HIPK1: variants seen among roughly 807,000 people sequenced by gnomAD.
HIPK1 encodes homeodomain interacting protein kinase 1.
In HIPK1, 28 loss-of-function variants were observed where a neutral mutation model predicts 117.1. The ratio of observed to expected loss-of-function variants is 0.24; its 90% confidence interval spans 0.18 to 0.33. The LOEUF (loss-of-function observed/expected upper bound fraction) is 0.33. Among genes scored for constraint, HIPK1 ranks in the 10% least tolerant of loss-of-function variants. HIPK1 has a pLI of 1.00. For synonymous variants in HIPK1, 605 were observed against 562.5 expected (o/e 1.08, Z -1.07); for missense variants, 1,122 against 1,475.1 (o/e 0.76, Z 3.92).
intron 2 of HIPK1, among the ~76,000 whole-genome samples, chr1:113,943,311 A>C (rs1378559918): frequency 6.6e-6 from 1 of 152,218 alleles, no homozygotes; most frequent in Non-Finnish European, 1.5e-5. Context: ...TACCACTGGT[A>C]ATCTTGATTT....
In HIPK1 at chr1:113,941,375, A is replaced by G; in HGVS notation, c.992A>G (p.Tyr331Cys). The G allele has an allele frequency of 6.2e-7, 1 of 1,614,178 alleles. No individual in the cohort carries two copies. The highest frequency in any genetic ancestry group is 8.5e-7 in the Non-Finnish European group (1 of 1,180,028). Residue 331 changes from tyrosine (Y) to cysteine (C), a missense_variant, in exon 2 of 16, where the codon TAC (tyrosine) becomes TGC (cysteine). This residue lies in a region of HIPK1 where 8 missense variants were observed against 41.5 expected (regional missense o/e 0.19). Transcript: ENST00000426820. The surrounding 1 kb of genome is among the most constrained non-coding windows in gnomAD (Gnocchi z 4.9). Reference sequence around the variant, plus strand: ...CTGGTTGATCCAGTTCGCCAGCCCTACCGAGTGAAGGTCATTGACTTTGGT... The same window carrying G: ...CTGGTTGATCCAGTTCGCCAGCCCTGCCGAGTGAAGGTCATTGACTTTGGT... ...IMLVDPVRQP[Y>C]RVKVIDFGSA...
intron 1 of HIPK1, among the ~76,000 whole-genome samples, chr1:113,937,475 A>C (rs1163199680): frequency 6.6e-6 from 1 of 152,200 alleles, no homozygotes; most frequent in Non-Finnish European, 1.5e-5. Context: ...AAAAAAAAAA[A>C]ATCAAGGATC....
intron 10 of HIPK1, among the ~76,000 whole-genome samples, chr1:113,963,794 T>C (rs1005751952): frequency 2.0e-5 from 3 of 152,210 alleles, no homozygotes; most frequent in African/African-American, 7.2e-5. Context: ...GATCCCTTGA[T>C]TCTTCTTTGC....
chr1:113,956,067 A>AT (rs755763487), intron 5 of HIPK1, among the ~76,000 whole-genome samples: 3,856 of 91,812 alleles, frequency 0.042, 175 homozygotes, highest in African/African-American at 0.062. Context: ...TACTTGTTCC[A>AT]TTTTTTTTTT....
intron 15 of HIPK1, among the ~76,000 whole-genome samples, chr1:113,972,711 C>T (rs753523965): frequency 2.1e-4 from 32 of 152,242 alleles, no homozygotes; most frequent in African/African-American, 7.2e-4. Context: ...AATTTACTGA[C>T]GCCAGAATAG....
intron 2 of HIPK1, among the ~76,000 whole-genome samples, chr1:113,949,082 C>T (rs960820294): frequency 2.0e-5 from 3 of 152,200 alleles, no homozygotes; most frequent in Admixed American, 6.5e-5. Context: ...AGGCCATCCA[C>T]GTGCCTTGGC....
At chr1:113,970,325 T>A in intron 14 of HIPK1, 128 bp downstream of exon 14, 1 of 932,540 alleles carries the variant, frequency 1.1e-6, no homozygotes, top group Non-Finnish European at 1.6e-6. Context: ...AGACCTTAAT[T>A]CAGAAATCAG....
intron 14 of HIPK1, 33 bp downstream of exon 14, chr1:113,970,230 C>T: frequency 1.2e-6 from 2 of 1,611,460 alleles, no homozygotes; most frequent in Non-Finnish European, 1.7e-6. Flanking sequence ...GAGTTGAATT[C>T]TCCTTTGATG....
intron 2 of HIPK1, chr1:113,951,244 A>T: frequency 1.0e-6 from 1 of 984,954 alleles, no homozygotes; most frequent in Non-Finnish European, 1.2e-6. Flanking sequence ...TCATAGTTTG[A>T]CAATTGCCCT....
At chr1:113,948,760 TG>T (rs1415191882) in intron 2 of HIPK1, among the ~76,000 whole-genome samples, 2 of 151,924 alleles carry the variant, frequency 1.3e-5, no homozygotes, top group African/African-American at 4.8e-5. Context: ...AAATGGGACT[TG>T]GGGGCTGTGG....
At chr1:113,970,339 C>G (rs1672737898) in intron 14 of HIPK1, 142 bp downstream of exon 14, 3 of 852,574 alleles carry the variant, frequency 3.5e-6, no homozygotes, top group Admixed American at 2.6e-5. Flanking sequence ...AAATCAGTTC[C>G]CTGCACAATG....
At chr1:113,948,127 A>G (rs1671107553) in intron 2 of HIPK1, among the ~76,000 whole-genome samples, 1 of 152,218 alleles carries the variant, frequency 6.6e-6, no homozygotes, top group Non-Finnish European at 1.5e-5. Context: ...GTCCTTAGAG[A>G]TAAACCTGCT....
chr1:113,935,599 A>G (rs796539201), intron 1 of HIPK1, among the ~76,000 whole-genome samples: 8 of 152,354 alleles, frequency 5.3e-5, no homozygotes, highest in African/African-American at 1.9e-4. Flanking sequence ...AGGAATTGCC[A>G]CATTGCTTTT....
At chr1:113,969,866 C>T (rs1672703622) in intron 13 of HIPK1, 90 bp from the exon 14 acceptor site, 5 of 1,434,028 alleles carry the variant, frequency 3.5e-6, no homozygotes, top group African/African-American at 1.4e-5. Context: ...GTGATCACTC[C>T]ACTGCACTCC....
rs1304333261 is a variant in HIPK1, at chr1:113,973,084, A to C, written c.3205A>C (p.Arg1069=). The change falls in exon 16 of 16, where the codon AGG becomes CGG. Residue 1069 remains arginine (R), a synonymous_variant. Coordinates refer to ENST00000426820, the MANE Select transcript of HIPK1 (RefSeq NM_198268.3). The part of the protein sequence containing the change: ...QERSSNPAPR[R]QQAFVAPLSQ... ...GAGAAGCAGCAACCCAGCCCCCCGC[A>C]GGCAGCAGGCGTTTGTGGCCCCTCT... 1 of 1,535,030 alleles carries C rather than the reference A, an allele frequency of 6.5e-7. No homozygotes were observed. Among genetic ancestry groups the C allele is most frequent in the Non-Finnish European group, 8.8e-7 (1 of 1,140,990 alleles).
chr1:113,945,875 A>G (rs1273591044), intron 2 of HIPK1, among the ~76,000 whole-genome samples: 1 of 152,136 alleles, frequency 6.6e-6, no homozygotes, highest in East Asian at 1.9e-4. Flanking sequence ...TTTCTATTTT[A>G]TACAAAAACC....
intron 4 of HIPK1, among the ~76,000 whole-genome samples, chr1:113,955,217 T>A (rs1426977644): frequency 6.6e-6 from 1 of 152,254 alleles, no homozygotes; most frequent in African/African-American, 2.4e-5. Flanking sequence ...GTAATTTGAC[T>A]AACCCTGTGA....
At chr1:113,961,258 T>C (rs1358082974) in intron 8 of HIPK1, among the ~76,000 whole-genome samples, 2 of 152,234 alleles carry the variant, frequency 1.3e-5, no homozygotes, top group African/African-American at 4.8e-5. Context: ...GTTATTGTTA[T>C]AAAGGCACTG....
rs1448435034 is a variant in HIPK1, at chr1:113,941,899, A to G, written c.1076+440A>G. Among the ~76,000 whole-genome samples, 1 of 151,732 alleles carries G rather than the reference A, an allele frequency of 6.6e-6. No homozygotes were observed. The highest frequency in any genetic ancestry group is 1.9e-4 in the East Asian group (1 of 5,168). On this transcript the variant is annotated intron_variant, in intron 2 of 15. Coordinates refer to ENST00000426820, the MANE Select transcript of HIPK1 (RefSeq NM_198268.3). This position sits in a 1 kb window ranked among gnomAD's most constrained non-coding sequence, Gnocchi z 4.9. ...CTCAGCCTCCTGAGTAGCTGGGACC[A>G]CAGGCACCCGCCATCACGCCCGGCT... is the stretch of plus-strand genomic sequence containing the variant.
Sources: allele counts gnomAD v4.1 joint callset (sites outside exome capture counted in the v4.1 genomes callset), GRCh38; gene constraint gnomAD v4.1.1; regional missense constraint gnomAD v4.1.1; non-coding constraint Gnocchi (gnomAD v3.1); transcripts MANE v1.5; gene names NCBI Gene and HGNC (gene_info 2026-07-23, HGNC 2026-07-21).